Variants in PAQR7 observed in about 807,000 individuals in gnomAD.
The protein encoded by PAQR7 is membrane progestin receptor alpha.
In PAQR7, 14 loss-of-function variants were observed where a neutral mutation model predicts 24.6. The observed-to-expected ratio is 0.57, with a 90% CI of 0.38 to 0.89. The LOEUF (loss-of-function observed/expected upper bound fraction) is 0.89, where lower values mean the gene tolerates loss of function less well. PAQR7 is among the 40% of genes least tolerant of loss of function. The probability of loss-of-function intolerance (pLI) is 0.00; values close to 1 mark genes in which losing one functional copy is unlikely to be tolerated. For synonymous variants in PAQR7, 189 were observed against 198.8 expected (o/e 0.95, Z 0.42); for missense variants, 351 against 444.0 (o/e 0.79, Z 1.88).
chr1:25,870,346 G>T (rs997363003), intron 2 of PAQR7, among the ~76,000 whole-genome samples: 1 of 152,194 alleles, frequency 6.6e-6, no homozygotes, highest in African/African-American at 2.4e-5. Flanking sequence ...AAATTCACCA[G>T]ATGCTGAGCA....
At chr1:25,873,535 A>G (rs141078388) in intron 1 of PAQR7, among the ~76,000 whole-genome samples, 2 of 151,458 alleles carry the variant, frequency 1.3e-5, no homozygotes, top group East Asian at 3.9e-4. Context: ...GGCACTTGGG[A>G]CCTCCATGTA....
Position 25,862,278 on chromosome 1 carries a change from TA to T in PAQR7, c.*520del, listed in dbSNP as rs2048517753. On this transcript the variant is annotated 3_prime_UTR_variant, in exon 3 of 3. Coordinates refer to ENST00000675840, the MANE Select transcript of PAQR7 (RefSeq NM_178422.6). ...GGACCCATTTGTATCTGGCACAATC[TA>T]CTACCTTTGGGGTCTCTCTGCAGCT... 1 of 156,912 alleles carries T rather than the reference TA, an allele frequency of 6.4e-6. No homozygotes were observed. The highest frequency in any genetic ancestry group is 2.4e-5 in the African/African-American group (1 of 41,354). The allele number at this position is 156,912 out of a possible 1,614,324, so 9.7% of individuals were successfully genotyped here.
chr1:25,874,863 C>T (rs1305199895), intron 1 of PAQR7, among the ~76,000 whole-genome samples: 1 of 152,192 alleles, frequency 6.6e-6, no homozygotes, highest in Admixed American at 6.5e-5. Flanking sequence ...CCCTCATCCC[C>T]CAAGGTGTCT....
intron 2 of PAQR7, among the ~76,000 whole-genome samples, chr1:25,865,592 G>A (rs1228079916): frequency 6.6e-6 from 1 of 152,086 alleles, no homozygotes. Flanking sequence ...GGCGGATCAT[G>A]AGGTCAGGAG....
At position 25,863,186 on chromosome 1, in the gene PAQR7, A is replaced by C; in HGVS notation, c.654T>G (p.Ile218Met). 1 of 1,614,238 alleles carries C rather than the reference A, an allele frequency of 6.2e-7. No homozygotes were observed. Among genetic ancestry groups the C allele is most frequent in the Non-Finnish European group, 8.5e-7 (1 of 1,180,048 alleles). ...VPSVLAYALD[I>M]SPVVHRIFVS... ...CGAAGATACGATGCACCACAGGACT[A>C]ATGTCCAGTGCGTAGGCCAGGACGG... The change falls in exon 3 of 3, where the codon ATT becomes ATG. Residue 218 changes from isoleucine to methionine, a missense_variant. Ile to Met is a conservative substitution (Grantham distance 10). Transcript: ENST00000675840. This position sits in a 1 kb window ranked among gnomAD's most constrained non-coding sequence, Gnocchi z 6.1.
chr1:25,866,288 C>A lies in PAQR7; in HGVS notation c.-22-2427G>T, dbSNP rs2048556289. Among the ~76,000 whole-genome samples the A allele has an allele frequency of 3.3e-5, 5 of 152,192 alleles. No homozygotes were observed. In the South Asian group the frequency reaches 1.0e-3, roughly 31 times the overall value. ...CACACCCTGTGCCACCTTCCTTTCC[C>A]TGCACTGAAATCCTTTAAGACCACT... On this transcript the variant is annotated intron_variant, in intron 2 of 2. Transcript: ENST00000675840.
chr1:25,869,443 A>G (rs1198578455), intron 2 of PAQR7, among the ~76,000 whole-genome samples: 2 of 151,900 alleles, frequency 1.3e-5, no homozygotes, highest in Admixed American at 6.6e-5. Context: ...ATGGTGGTGC[A>G]TGCTTGTAAT....
In PAQR7 at chr1:25,863,920, G is replaced by A. The variant is rs552348497; in HGVS notation, c.-22-59C>T. ...GGTGTCCTCACCCCCACGAGCAGCA[G>A]CTGGGGGGCTCTGATGCCCAAATCC... On this transcript the variant is annotated intron_variant, in intron 2 of 2. Transcript: ENST00000675840. This position sits in a 1 kb window ranked among gnomAD's most constrained non-coding sequence, Gnocchi z 6.1. 3.5e-5 allele frequency: 47 copies of A among 1,345,858 alleles called. No homozygotes were observed. In the South Asian group the frequency reaches 5.5e-4, roughly 16 times the overall value. The allele number at this position is 1,345,858 out of a possible 1,614,324, so 83.4% of individuals were successfully genotyped here.
Position 25,863,645 on chromosome 1 carries a change from C to T in PAQR7, c.195G>A (p.Leu65=), listed in dbSNP as rs747099473. Residue 65 remains leucine (L), a synonymous_variant, in exon 3 of 3, where the codon CTG becomes CTA. Coordinates refer to ENST00000675840, the MANE Select transcript of PAQR7 (RefSeq NM_178422.6). The surrounding 1 kb of genome is among the most constrained non-coding windows in gnomAD (Gnocchi z 6.1). ...TCACGGCCTCGTTGTGCTGCTGGAA[C>T]AGCGTGCGGAAATAGAAGCGCCAGG... ...HQTWRFYFRT[L]FQQHNEAVNV... 13 of 1,614,066 alleles carry T rather than the reference C, an allele frequency of 8.1e-6. No individual in the cohort carries two copies. The highest frequency in any genetic ancestry group is 1.3e-5 in the African/African-American group (1 of 74,936).
chr1:25,874,135 G>T (rs1465451098), intron 1 of PAQR7, among the ~76,000 whole-genome samples: 1 of 150,688 alleles, frequency 6.6e-6, no homozygotes, highest in African/African-American at 2.4e-5. Flanking sequence ...CGCCTGCCTC[G>T]GCCTCCCAAA....
chr1:25,865,048 C>G (rs1235993981), intron 2 of PAQR7, among the ~76,000 whole-genome samples: 2 of 149,844 alleles, frequency 1.3e-5, no homozygotes, highest in Admixed American at 1.3e-4. Context: ...CCCAGCTGCT[C>G]GGGAGGCTGA....
chr1:25,862,957 G>C lies in PAQR7; in HGVS notation c.883C>G (p.Leu295Val). ...CTLAQLEAVALDYEARRPIYE... is the reference protein window; with the variant it reads ...CTLAQLEAVAVDYEARRPIYE... ...ATGGGCCGTCGGGCCTCATAGTCCA[G>C]TGCCACAGCCTCCAGCTGAGCCAGC... is the stretch of plus-strand genomic sequence containing the variant. The change falls in exon 3 of 3, where the codon CTG becomes GTG. Residue 295 changes from leucine to valine, a missense_variant. Transcript: ENST00000675840. The C allele has an allele frequency of 6.2e-7, 1 of 1,614,172 alleles. No homozygotes were observed. The highest frequency in any genetic ancestry group is 8.5e-7 in the Non-Finnish European group (1 of 1,180,054).
At chr1:25,872,970 C>T (rs1196137419) in intron 1 of PAQR7, among the ~76,000 whole-genome samples, 1 of 152,192 alleles carries the variant, frequency 6.6e-6, no homozygotes, top group Admixed American at 6.5e-5. Flanking sequence ...GATTGTTCAG[C>T]ACATTCTCTT....
In PAQR7 at chr1:25,875,464, C is replaced by T. The variant is rs1322087628; in HGVS notation, c.-109+24G>A. On this transcript the variant is annotated intron_variant, in intron 1 of 2. Coordinates refer to ENST00000675840, the MANE Select transcript of PAQR7 (RefSeq NM_178422.6). The surrounding 1 kb of genome is among the most constrained non-coding windows in gnomAD (Gnocchi z 5.4). ...CACCCTCGTCTGCGGCCAGCCAGGC[C>T]TCCCCGTCTTGGCAGCCCCGTACCT... Among the ~76,000 whole-genome samples, 1 of 152,106 alleles carries T rather than the reference C, an allele frequency of 6.6e-6. No individual in the cohort carries two copies.
At chr1:25,864,640 T>C (rs2048541745) in intron 2 of PAQR7, among the ~76,000 whole-genome samples, 1 of 151,872 alleles carries the variant, frequency 6.6e-6, no homozygotes, top group African/African-American at 2.4e-5. Context: ...GGAGGATTGC[T>C]TGGGGCCAGG....
At position 25,862,673 on chromosome 1, in the gene PAQR7, G is replaced by A. The variant is rs1219319388; in HGVS notation, c.*126C>T. 4 of 1,053,922 alleles carry A rather than the reference G, an allele frequency of 3.8e-6. No individual in the cohort carries two copies. The highest frequency in any genetic ancestry group is 5.5e-6 in the Non-Finnish European group (4 of 729,748). 65.3% of individuals were successfully genotyped at this position (1,053,922 alleles called of 1,614,324 possible). On this transcript the variant is annotated 3_prime_UTR_variant, in exon 3 of 3. Coordinates refer to ENST00000675840, the MANE Select transcript of PAQR7 (RefSeq NM_178422.6). ...GGCCAGTGATGCCCTTGGCAGTTGAGTCGTGCACAGAGAGTCACTGTGGGC... is the reference window on the plus strand; with the variant it reads ...GGCCAGTGATGCCCTTGGCAGTTGAATCGTGCACAGAGAGTCACTGTGGGC...
intron 2 of PAQR7, among the ~76,000 whole-genome samples, chr1:25,867,217 A>G (rs1408774595): frequency 6.7e-6 from 1 of 150,010 alleles, no homozygotes. Context: ...TTACTTTATT[A>G]TAGAGTCAGG....
Position 25,862,993 on chromosome 1 carries a change from C to A in PAQR7, c.847G>T (p.Val283Leu). Residue 283 changes from valine (V) to leucine (L), a missense_variant, in exon 3 of 3, where the codon GTG becomes TTG. Transcript: ENST00000675840. ...TCCAGCTGAGCCAGCGTGCACAGCA[C>A]CAAGAAGATGTGGAAAAGTTGGTGG... ...QGHQLFHIFL[V>L]LCTLAQLEAV... The A allele has an allele frequency of 6.2e-7, 1 of 1,614,128 alleles. No homozygotes were observed. Among genetic ancestry groups the A allele is most frequent in the Non-Finnish European group, 8.5e-7 (1 of 1,180,036 alleles).
chr1:25,866,564 CT>C lies in PAQR7; in HGVS notation c.-22-2704del, dbSNP rs944139055. On this transcript the variant is annotated intron_variant, in intron 2 of 2. Coordinates refer to ENST00000675840, the MANE Select transcript of PAQR7 (RefSeq NM_178422.6). ...ATCATAGCAAATGCTCACACAGCAC[CT>C]GCTAGACGCTTCCCAGCAACCCTGA... 9.2e-5 allele frequency among the ~76,000 whole-genome samples: 14 copies of C among 152,320 alleles called. 1 individual carries two copies. The highest frequency in any genetic ancestry group is 3.4e-4 in the African/African-American group (14 of 41,568).
Sources: allele counts gnomAD v4.1 joint callset (sites outside exome capture counted in the v4.1 genomes callset), GRCh38; gene constraint gnomAD v4.1.1; non-coding constraint Gnocchi (gnomAD v3.1); transcripts MANE v1.5; gene names NCBI Gene and HGNC (gene_info 2026-07-23, HGNC 2026-07-21).